Variants in CAMTA1 observed in about 807,000 individuals in gnomAD.
The protein encoded by CAMTA1 is calmodulin binding transcription activator 1, also known as calmodulin-binding transcription activator 1.
In CAMTA1, 27 loss-of-function variants were observed where a neutral mutation model predicts 170.9. The ratio of observed to expected loss-of-function variants is 0.16; its 90% confidence interval spans 0.12 to 0.22. CAMTA1 has a LOEUF of 0.22. CAMTA1 is among the 10% of genes least tolerant of loss of function. The pLI is 1.00. For synonymous variants in CAMTA1, 833 were observed against 891.5 expected (o/e 0.93, Z 1.17); for missense variants, 1,619 against 2,217.2 (o/e 0.73, Z 5.42).
chr1:6,930,538 G>T (rs1441981197), intron 3 of CAMTA1, among the ~76,000 whole-genome samples: 1 of 152,172 alleles, frequency 6.6e-6, no homozygotes, highest in Non-Finnish European at 1.5e-5. Flanking sequence ...GGGTTTGCGC[G>T]CATGTGAGGA....
chr1:7,619,652 A>AT (rs59695174), intron 6 of CAMTA1, among the ~76,000 whole-genome samples: 3,187 of 143,544 alleles, frequency 0.022, 79 homozygotes, highest in African/African-American at 0.067. Context: ...GGAGAAATTG[A>AT]TTTTTTTTTT....
At chr1:7,590,214 A>T (rs1449379095) in intron 6 of CAMTA1, among the ~76,000 whole-genome samples, 1 of 152,140 alleles carries the variant, frequency 6.6e-6, no homozygotes, top group Non-Finnish European at 1.5e-5. Flanking sequence ...CTCTAGGAGG[A>T]TTCATGCACA....
At chr1:7,596,667 C>A (rs762931335) in intron 6 of CAMTA1, among the ~76,000 whole-genome samples, 5 of 152,238 alleles carry the variant, frequency 3.3e-5, no homozygotes, top group Non-Finnish European at 7.3e-5. Flanking sequence ...TTTGCTCTGA[C>A]TTCCATTTTC....
intron 6 of CAMTA1, among the ~76,000 whole-genome samples, chr1:7,639,773 GA>G (rs34262081): frequency 0.21 from 29,754 of 142,272 alleles, 5,693 homozygotes; most frequent in African/African-American, 0.52. Context: ...TCTGTCTAAA[GA>G]AAAAAAAAAA....
intron 3 of CAMTA1, among the ~76,000 whole-genome samples, chr1:6,924,745 C>T (rs968862400): frequency 6.6e-6 from 1 of 152,188 alleles, no homozygotes; most frequent in African/African-American, 2.4e-5. Context: ...TAAGTTTTTG[C>T]ATCTTATTGG....
chr1:7,137,438 C>G (rs567145318), intron 4 of CAMTA1, among the ~76,000 whole-genome samples: 4 of 152,210 alleles, frequency 2.6e-5, no homozygotes, highest in Non-Finnish European at 1.5e-5. Context: ...ACAGACCTTA[C>G]GTCCAGCAGC....
At chr1:7,468,150 C>G (rs1378866517) in intron 6 of CAMTA1, among the ~76,000 whole-genome samples, 1 of 152,228 alleles carries the variant, frequency 6.6e-6, no homozygotes, top group African/African-American at 2.4e-5. Flanking sequence ...GGAAATAAAC[C>G]TAGGTGCTTC....
chr1:7,042,831 T>C (rs934144628), intron 3 of CAMTA1, among the ~76,000 whole-genome samples: 6 of 152,212 alleles, frequency 3.9e-5, no homozygotes, highest in Non-Finnish European at 8.8e-5. Context: ...TAGGCGTTTG[T>C]TACCTAGAGT....
At position 7,042,912 on chromosome 1, in the gene CAMTA1, G is replaced by A. The variant is rs1704694391; in HGVS notation, c.235-48392G>A. ...TGATTCTTGACCACCAGAGGTCACT[G>A]TAATAAGGTAGAAAGCAGGTGTTTC... is the stretch of plus-strand genomic sequence containing the variant. On this transcript the variant is annotated intron_variant, in intron 3 of 22. Transcript: ENST00000303635. Among the ~76,000 whole-genome samples the A allele has an allele frequency of 2.0e-5, 3 of 152,224 alleles. 1 individual carries two copies. The South Asian group carries it at 6.2e-4, about 31-fold the overall frequency.
chr1:7,213,328 C>T (rs1029337116), intron 4 of CAMTA1, among the ~76,000 whole-genome samples: 3 of 152,128 alleles, frequency 2.0e-5, no homozygotes, highest in Non-Finnish European at 4.4e-5. Flanking sequence ...GTTATCTAAT[C>T]GTGGTTTAAG....
chr1:7,541,866 G>A (rs940044734), intron 6 of CAMTA1, among the ~76,000 whole-genome samples: 5 of 139,578 alleles, frequency 3.6e-5, no homozygotes, highest in African/African-American at 1.1e-4. Context: ...CCACACTGAC[G>A]TGTTTTTTTG....
intron 6 of CAMTA1, among the ~76,000 whole-genome samples, chr1:7,550,152 A>T (rs995614092): frequency 1.4e-4 from 22 of 152,072 alleles, no homozygotes; most frequent in Admixed American, 1.0e-3. Flanking sequence ...GAGGCAGAAG[A>T]CAGCTGAGCT....
At chr1:6,987,007 C>G (rs1695468425) in intron 3 of CAMTA1, among the ~76,000 whole-genome samples, 1 of 152,120 alleles carries the variant, frequency 6.6e-6, no homozygotes. Context: ...CCTCCGCCCC[C>G]ACTTCCCATG....
At position 7,561,350 on chromosome 1, in the gene CAMTA1, A is replaced by G. The variant is rs566008038; in HGVS notation, c.511-79050A>G. On this transcript the variant is annotated intron_variant, in intron 6 of 22. Coordinates refer to ENST00000303635, the MANE Select transcript of CAMTA1 (RefSeq NM_015215.4). This position sits in a 1 kb window ranked among gnomAD's most constrained non-coding sequence, Gnocchi z 5.3. ...CCCAGCTGGGGTGATGGAGGGACAG[A>G]GGGACAGGCAGAGAGGCCGGCGGGC... 6.6e-5 allele frequency among the ~76,000 whole-genome samples: 10 copies of G among 151,776 alleles called. No homozygotes were observed. Among genetic ancestry groups the G allele is most frequent in the African/African-American group, 2.4e-4 (10 of 41,414 alleles).
Position 7,534,347 on chromosome 1 carries a change from G to C in CAMTA1, c.510+66446G>C, listed in dbSNP as rs1430416697. Among the ~76,000 whole-genome samples the C allele has an allele frequency of 6.6e-6, 1 of 152,222 alleles. No individual in the cohort carries two copies. The highest frequency in any genetic ancestry group is 2.4e-5 in the African/African-American group (1 of 41,464). On this transcript the variant is annotated intron_variant, in intron 6 of 22. Coordinates refer to ENST00000303635, the MANE Select transcript of CAMTA1 (RefSeq NM_015215.4). The surrounding 1 kb of genome is among the most constrained non-coding windows in gnomAD (Gnocchi z 5.6). ...CCCCTCCAAGCATCCATTCTAGAAA[G>C]GGAGGAATTAAATCTTCCTGACACC...
chr1:7,649,265 C>A (rs549437239), intron 7 of CAMTA1, among the ~76,000 whole-genome samples: 3 of 152,370 alleles, frequency 2.0e-5, no homozygotes, highest in South Asian at 4.1e-4. Context: ...TGTGTCCCCA[C>A]GGCAGCCCAG....
At chr1:7,502,466 T>C (rs1012536637) in intron 6 of CAMTA1, among the ~76,000 whole-genome samples, 2 of 151,962 alleles carry the variant, frequency 1.3e-5, no homozygotes, top group African/African-American at 4.8e-5. Context: ...ATTCCAAGTG[T>C]TTGTTTGGTC....
intron 6 of CAMTA1, among the ~76,000 whole-genome samples, chr1:7,584,570 C>T (rs1380094664): frequency 1.3e-5 from 2 of 152,124 alleles, no homozygotes; most frequent in Non-Finnish European, 2.9e-5. Flanking sequence ...GAATCTTTGT[C>T]AGAATTAAGT....
At chr1:7,270,551 C>A (rs1669650172) in intron 5 of CAMTA1, among the ~76,000 whole-genome samples, 2 of 152,196 alleles carry the variant, frequency 1.3e-5, no homozygotes, top group South Asian at 2.1e-4. Context: ...CTGCCTTGGC[C>A]TCCCAAAGTA....
Sources: gnomAD v4.1 joint callset for allele counts (sites outside exome capture counted in the v4.1 genomes callset) on GRCh38, gnomAD v4.1.1 for gene constraint, Gnocchi (gnomAD v3.1) non-coding constraint, MANE v1.5 for transcripts, NCBI Gene and HGNC (gene_info 2026-07-23, HGNC 2026-07-21) for gene names.